The following KIAA0232 variants were observed in gnomAD, a reference collection of about 807,000 sequenced individuals.
KIAA0232 encodes uncharacterized protein KIAA0232.
A neutral mutation model predicts 122.0 loss-of-function variants in KIAA0232; 27 were observed. The ratio of observed to expected loss-of-function variants is 0.22; its 90% CI spans 0.16 to 0.31. The LOEUF (loss-of-function observed/expected upper bound fraction) is 0.31. KIAA0232 is among the 10% of genes least tolerant of loss of function. The pLI, the probability that KIAA0232 is intolerant of heterozygous loss-of-function variation, is 1.00. For missense variants in KIAA0232, 1,551 were observed against 1,634.2 expected (o/e 0.95, Z 0.88); for synonymous variants, 613 against 587.6 (o/e 1.04, Z -0.63).
chr4:6,846,907 T>C (rs1577394419), intron 4 of KIAA0232, among the ~76,000 whole-genome samples: 1 of 152,196 alleles, frequency 6.6e-6, no homozygotes, highest in Non-Finnish European at 1.5e-5. Flanking sequence ...TTTGTGGTAC[T>C]GTGTGCTATG....
In KIAA0232 at chr4:6,855,288, A is replaced by T. The variant is rs889585947; in HGVS notation, c.370-1876A>T. 1.3e-5 allele frequency among the ~76,000 whole-genome samples: 2 copies of T among 151,934 alleles called. No homozygotes were observed. Among genetic ancestry groups the T allele is most frequent in the African/African-American group, 4.8e-5 (2 of 41,360 alleles). ...TTTTTAGTAGAAACGGGGTTTCACC[A>T]TGTTCGCCAGGCTAGTCTTGAACTC... On this transcript the variant is annotated intron_variant, in intron 4 of 9. Transcript: ENST00000307659. The surrounding 1 kb of genome is among the most constrained non-coding windows in gnomAD (Gnocchi z 4.3).
chr4:6,818,383 G>C (rs1215012760), intron 2 of KIAA0232, among the ~76,000 whole-genome samples: 3 of 139,232 alleles, frequency 2.2e-5, no homozygotes, highest in Admixed American at 7.9e-5. Context: ...CTGGGCAACA[G>C]AGCAAGACTC....
chr4:6,833,289 CT>C (rs1442696919), intron 3 of KIAA0232, among the ~76,000 whole-genome samples: 2 of 152,236 alleles, frequency 1.3e-5, no homozygotes, highest in East Asian at 3.8e-4. Flanking sequence ...TTAAACAACA[CT>C]TCCTATTTTT....
At chr4:6,830,517 C>T (rs1718916207) in intron 3 of KIAA0232, among the ~76,000 whole-genome samples, 1 of 150,472 alleles carries the variant, frequency 6.6e-6, no homozygotes, top group South Asian at 2.1e-4. Flanking sequence ...AAGTGATTCT[C>T]CTGCCTTAGG....
chr4:6,782,976 G>C (rs1158574051), intron 1 of KIAA0232, 135 bp downstream of exon 1: 1 of 150,952 alleles, frequency 6.6e-6, no homozygotes, highest in African/African-American at 2.4e-5. Context: ...GCAGCCGAAG[G>C]CTTCGGGGTC....
chr4:6,801,762 CAT>C (rs972884030), intron 1 of KIAA0232, among the ~76,000 whole-genome samples: 4 of 151,744 alleles, frequency 2.6e-5, no homozygotes, highest in African/African-American at 9.7e-5. Flanking sequence ...AAATGTAGAA[CAT>C]AGGGTTTTCA....
chr4:6,800,043 C>CTTT lies in KIAA0232; in HGVS notation c.-353-4450_-353-4448dup, dbSNP rs752428517. 5.2e-3 allele frequency among the ~76,000 whole-genome samples: 314 copies of CTTT among 59,850 alleles called. 5 individuals carry two copies. Among genetic ancestry groups the CTTT allele is most frequent in the Non-Finnish European group, 8.9e-3 (250 of 27,942 alleles). The allele number at this position is 59,850 out of a possible 152,430, so 39.3% of individuals were successfully genotyped here. A position where few individuals can be genotyped will look rare whatever the true frequency, so the allele number is the denominator to read the frequency against. ...TTTCTTTTTCTTTCTTTCTTTCTTT[C>CTTT]TTTTTTTTTTTTTTTTTTTTTTTTT... is the stretch of plus-strand genomic sequence containing the variant. On this transcript the variant is annotated intron_variant, in intron 1 of 9. Coordinates refer to ENST00000307659, the MANE Select transcript of KIAA0232 (RefSeq NM_014743.3).
Position 6,824,698 on chromosome 4 carries a change from T to G in KIAA0232, c.231+14T>G, listed in dbSNP as rs1718587370. The G allele has an allele frequency of 6.2e-7, 1 of 1,608,828 alleles. No individual in the cohort carries two copies. The highest frequency in any genetic ancestry group is 8.5e-7 in the Non-Finnish European group (1 of 1,175,596). On this transcript the variant is annotated intron_variant, in intron 3 of 9. Transcript: ENST00000307659. ...CTGCAGGAACAGGTATTTACATATT[T>G]TAAGTGTTTTCTGAAAACTGATTGT...
intron 4 of KIAA0232, among the ~76,000 whole-genome samples, chr4:6,854,493 T>C (rs1289697842): frequency 6.6e-6 from 1 of 152,210 alleles, no homozygotes. Flanking sequence ...ACTGGGTGCG[T>C]GAATGAGCCA....
At chr4:6,786,571 G>A (rs752028982) in intron 1 of KIAA0232, among the ~76,000 whole-genome samples, 10 of 152,166 alleles carry the variant, frequency 6.6e-5, no homozygotes, top group Non-Finnish European at 1.5e-4. Context: ...ACCTCCCAAA[G>A]TGCTGGGATT....
intron 1 of KIAA0232, among the ~76,000 whole-genome samples, chr4:6,791,041 C>G (rs765675648): frequency 6.7e-6 from 1 of 149,956 alleles, no homozygotes. Flanking sequence ...GCCTTGGCCT[C>G]CTGAGTACCT....
intron 3 of KIAA0232, among the ~76,000 whole-genome samples, chr4:6,841,580 G>A (rs972656664): frequency 6.6e-6 from 1 of 152,142 alleles, no homozygotes; most frequent in Non-Finnish European, 1.5e-5. Context: ...CATTAAGAGG[G>A]CAGTTAGGTA....
intron 4 of KIAA0232, among the ~76,000 whole-genome samples, chr4:6,849,231 G>C (rs1158442285): frequency 6.6e-6 from 1 of 152,190 alleles, no homozygotes; most frequent in African/African-American, 2.4e-5. Context: ...TTCTGCATCT[G>C]TTTTCGAAGA....
intron 2 of KIAA0232, among the ~76,000 whole-genome samples, chr4:6,819,852 C>T (rs1718337068): frequency 1.3e-5 from 2 of 152,098 alleles, no homozygotes; most frequent in South Asian, 2.1e-4. Context: ...AACCTAGGTG[C>T]CCATCAACAG....
chr4:6,841,629 T>G (rs761132565), intron 3 of KIAA0232, among the ~76,000 whole-genome samples: 2 of 152,160 alleles, frequency 1.3e-5, no homozygotes, highest in Non-Finnish European at 2.9e-5. Context: ...GAAGTAAGAC[T>G]CTAGTCACAT....
At position 6,876,661 on chromosome 4, in the gene KIAA0232, A is replaced by G; in HGVS notation, c.3912A>G (p.Glu1304=). Residue 1304 remains glutamate (E), a splice_region_variant and synonymous_variant, in exon 9 of 10, where the codon GAA becomes GAG. Transcript: ENST00000307659. ...CCTTCTCCATTCCAAATGATTAAGAATGTTACACAAATGCCAAGGGAGAGA... is the reference window on the plus strand; with the variant it reads ...CCTTCTCCATTCCAAATGATTAAGAGTGTTACACAAATGCCAAGGGAGAGA... ...SPLFPASECE[E]CYTNAKGESG... 1.3e-6 allele frequency: 2 copies of G among 1,599,566 alleles called. No individual in the cohort carries two copies. The highest frequency in any genetic ancestry group is 1.7e-6 in the Non-Finnish European group (2 of 1,166,794).
intron 7 of KIAA0232, among the ~76,000 whole-genome samples, chr4:6,868,283 A>G (rs1721291064): frequency 6.6e-6 from 1 of 152,112 alleles, no homozygotes; most frequent in Non-Finnish European, 1.5e-5. Flanking sequence ...TTCATTCATC[A>G]AGTATTTCTT....
intron 7 of KIAA0232, among the ~76,000 whole-genome samples, chr4:6,868,299 C>G (rs1350647309): frequency 6.6e-6 from 1 of 152,174 alleles, no homozygotes; most frequent in Non-Finnish European, 1.5e-5. Context: ...TTCTTATGTA[C>G]CTGCTCGGCC....
At position 6,842,076 on chromosome 4, in the gene KIAA0232, A is replaced by G; in HGVS notation, c.241A>G (p.Ile81Val). ...TGCAATTTCATTGCAGGAGAATGAC[A>G]TCTTCCTGGGCTGGGAAAAAGGAGC... ...DYDLQEQEND[I>V]FLGWEKGAYK... is the part of the protein sequence containing the mutation. The change falls in exon 4 of 10, where the codon ATC (isoleucine) becomes GTC (valine). Residue 81 changes from isoleucine (I) to valine (V), a missense_variant. Physicochemically the swap from Ile to Val is conservative, Grantham distance 29. Transcript: ENST00000307659. The G allele has an allele frequency of 6.2e-7, 1 of 1,613,560 alleles. No homozygotes were observed. The highest frequency in any genetic ancestry group is 8.5e-7 in the Non-Finnish European group (1 of 1,179,834).
Sources: gnomAD v4.1 joint callset for allele counts (sites outside exome capture counted in the v4.1 genomes callset) on GRCh38, gnomAD v4.1.1 for gene constraint, Gnocchi (gnomAD v3.1) non-coding constraint, MANE v1.5 for transcripts, NCBI Gene and HGNC (gene_info 2026-07-23, HGNC 2026-07-21) for gene names.